IRS1: variants seen among roughly 807,000 people sequenced by gnomAD.
IRS1 encodes the protein insulin receptor substrate 1.
A neutral mutation model predicts 65.6 loss-of-function variants in IRS1; 34 were observed. The observed-to-expected ratio is 0.52, with a 90% CI of 0.39 to 0.69. IRS1 has a LOEUF of 0.69. IRS1 is among the 30% of genes least tolerant of loss of function. The pLI, the probability that IRS1 is intolerant of heterozygous loss-of-function variation, is 0.00. For missense variants in IRS1, 1,641 were observed against 1,720.2 expected (o/e 0.95, Z 0.81); for synonymous variants, 699 against 683.5 (o/e 1.02, Z -0.35).
In IRS1 at chr2:226,796,817, G is replaced by T; in HGVS notation, c.1922C>A (p.Ser641Tyr). 1 of 1,566,892 alleles carries T rather than the reference G, an allele frequency of 6.4e-7. No individual in the cohort carries two copies. The highest frequency in any genetic ancestry group is 8.7e-7 in the Non-Finnish European group (1 of 1,154,172). Residue 641 changes from serine to tyrosine, a missense_variant, in exon 1 of 2, where the codon TCT becomes TAT. By Grantham distance (144) the Ser-to-Tyr change is moderately radical. Coordinates refer to ENST00000305123, the MANE Select transcript of IRS1 (RefSeq NM_005544.3). The part of the protein sequence containing the change: ...DYMPMSPKSV[S>Y]APQQIINPIR... ...GGGATTGATGATCTGCTGTGGGGCA[G>T]ATACGCTCTTGGGGCTCATGGGCAT... is the stretch of plus-strand genomic sequence containing the variant.
intron 1 of IRS1, among the ~76,000 whole-genome samples, chr2:226,746,787 T>A (rs1455178069): frequency 7.6e-6 from 1 of 132,038 alleles, no homozygotes; most frequent in African/African-American, 3.2e-5. Flanking sequence ...GCAGCATTCT[T>A]TTTTTTTTTT....
intron 1 of IRS1, among the ~76,000 whole-genome samples, chr2:226,764,037 G>A (rs1039185978): frequency 6.6e-6 from 1 of 151,898 alleles, no homozygotes; most frequent in African/African-American, 2.4e-5. Flanking sequence ...TGTAGTTCAT[G>A]CCAAATGATG....
intron 1 of IRS1, among the ~76,000 whole-genome samples, chr2:226,787,377 AGGTTT>A (rs1939507085): frequency 6.6e-6 from 1 of 152,162 alleles, no homozygotes; most frequent in Non-Finnish European, 1.5e-5. Context: ...TTTGCCCTTT[AGGTTT>A]ATGAAAAATG....
chr2:226,750,436 T>C (rs1016860767), intron 1 of IRS1, among the ~76,000 whole-genome samples: 1 of 151,886 alleles, frequency 6.6e-6, no homozygotes, highest in Non-Finnish European at 1.5e-5. Flanking sequence ...ATATTCAACA[T>C]AAGGGCCAAA....
intron 1 of IRS1, among the ~76,000 whole-genome samples, chr2:226,737,608 G>A (rs1427375556): frequency 6.6e-6 from 1 of 152,184 alleles, no homozygotes; most frequent in Non-Finnish European, 1.5e-5. Flanking sequence ...TTCTAGAAAG[G>A]AAGGCAAGTT....
At position 226,740,585 on chromosome 2, in the gene IRS1, G is replaced by C. The variant is rs181942041; in HGVS notation, c.*22-4335C>G. Among the ~76,000 whole-genome samples the C allele has an allele frequency of 6.4e-4, 98 of 152,296 alleles. 1 individual carries two copies. Among genetic ancestry groups the C allele is most frequent in the Admixed American group, 1.9e-3 (29 of 15,288 alleles). On this transcript the variant is annotated intron_variant, in intron 1 of 1. Transcript: ENST00000305123. ...CACAAGAGTATAAGTGTGATGGAAA[G>C]ATCTGTACACTCAGCAATGCATTCT... is the stretch of plus-strand genomic sequence containing the variant.
rs181079249 is a variant in IRS1 at position 226,785,993 on chromosome 2, G to A, written c.*21+8996C>T. Among the ~76,000 whole-genome samples the A allele has an allele frequency of 6.4e-3, 952 of 147,614 alleles. 8 individuals are homozygous for A. Among genetic ancestry groups the A allele is most frequent in the African/African-American group, 0.022 (870 of 39,014 alleles). Reference sequence around the variant, plus strand: ...CCACCTATGAGTGAGAACATGCGGTGTTTGGTTTTTTGTCCTTGCGATAGT... The same window carrying A: ...CCACCTATGAGTGAGAACATGCGGTATTTGGTTTTTTGTCCTTGCGATAGT... On this transcript the variant is annotated intron_variant, in intron 1 of 1. Transcript: ENST00000305123.
At chr2:226,770,197 T>G (rs1939136832) in intron 1 of IRS1, among the ~76,000 whole-genome samples, 1 of 152,250 alleles carries the variant, frequency 6.6e-6, no homozygotes, top group Admixed American at 6.5e-5. Context: ...AGCTACCTTT[T>G]AAAGCCTTTA....
intron 1 of IRS1, among the ~76,000 whole-genome samples, chr2:226,747,493 G>C (rs1938570670): frequency 6.6e-6 from 1 of 152,082 alleles, no homozygotes; most frequent in Admixed American, 6.5e-5. Flanking sequence ...CCAAACCAGG[G>C]TCTGTGGTGC....
rs554836269 is a variant in IRS1, at chr2:226,731,686, G to A, written c.*4586C>T. On this transcript the variant is annotated 3_prime_UTR_variant, in exon 2 of 2. Transcript: ENST00000305123. ...CACCGGGGCAGCACCACCATCTTAA[G>A]ATGATAAACCAAACTGCACATACAT... is the stretch of plus-strand genomic sequence containing the variant. 2 of 152,250 alleles carry A rather than the reference G, an allele frequency of 1.3e-5. No individual in the cohort carries two copies. Among genetic ancestry groups the A allele is most frequent in the Admixed American group, 1.3e-4 (2 of 15,294 alleles). 9.4% of individuals were successfully genotyped at this position (152,250 alleles called of 1,614,324 possible). A position where few individuals can be genotyped will look rare whatever the true frequency, so the allele number is the denominator to read the frequency against.
intron 1 of IRS1, among the ~76,000 whole-genome samples, chr2:226,776,348 G>A (rs942388353): frequency 2.0e-5 from 3 of 151,788 alleles, no homozygotes; most frequent in Non-Finnish European, 2.9e-5. Flanking sequence ...CAGAAGAATC[G>A]TGTGTGAGTG....
intron 1 of IRS1, among the ~76,000 whole-genome samples, chr2:226,788,086 T>C (rs1560252): frequency 0.11 from 16,161 of 152,118 alleles, 1,079 homozygotes; most frequent in South Asian, 0.25. Context: ...TAAGTGATAT[T>C]GTTCAGCAAT....
Position 226,795,926 on chromosome 2 carries a change from G to C in IRS1, c.2813C>G (p.Thr938Ser). Residue 938 changes from threonine (T) to serine (S), a missense_variant, in exon 1 of 2, where the codon ACT (threonine) becomes AGT (serine). This residue lies in a region of IRS1 where 1,324 missense variants were observed against 1,361.0 expected (regional missense o/e 0.97). Coordinates refer to ENST00000305123, the MANE Select transcript of IRS1 (RefSeq NM_005544.3). Reference protein sequence around the residue: ...QPAPREEETGTEEYMKMDLGP... With the variant: ...QPAPREEETGSEEYMKMDLGP... ...CAGGTCCATCTTCATGTACTCCTCA[G>C]TGCCAGTCTCTTCCTCTCTGGGAGC... The C allele has an allele frequency of 6.2e-7, 1 of 1,614,040 alleles. No homozygotes were observed. The highest frequency in any genetic ancestry group is 8.5e-7 in the Non-Finnish European group (1 of 1,180,044).
At position 226,796,541 on chromosome 2, in the gene IRS1, A is replaced by G. The variant is rs763074456; in HGVS notation, c.2198T>C (p.Met733Thr). The change falls in exon 1 of 2, where the codon ATG (methionine) becomes ACG (threonine). Residue 733 changes from methionine (M) to threonine (T), a missense_variant. Coordinates refer to ENST00000305123, the MANE Select transcript of IRS1 (RefSeq NM_005544.3). ...GKLLPCTGDYMNMSPVGDSNT... is the reference protein window; with the variant it reads ...GKLLPCTGDYTNMSPVGDSNT... ...GGAGTCCCCCACTGGTGACATGTTC[A>G]TGTAGTCACCTGTGCAAGGTAAGAG... The G allele has an allele frequency of 3.2e-5, 52 of 1,613,944 alleles. No individual in the cohort carries two copies. Among genetic ancestry groups the G allele is most frequent in the Admixed American group, 6.7e-5 (4 of 60,006 alleles).
intron 1 of IRS1, among the ~76,000 whole-genome samples, chr2:226,769,515 C>A (rs909687007): frequency 6.6e-6 from 1 of 152,206 alleles, no homozygotes; most frequent in African/African-American, 2.4e-5. Flanking sequence ...GTCCTTCCAG[C>A]CAACCAGACA....
chr2:226,790,632 C>T (rs9282766), intron 1 of IRS1, among the ~76,000 whole-genome samples: 13,660 of 152,114 alleles, frequency 0.09, 835 homozygotes, highest in Middle Eastern at 0.14. Flanking sequence ...TCACTTGGCC[C>T]CTCAGAAAAA....
Position 226,777,367 on chromosome 2 carries a change from G to C in IRS1, c.*21+17622C>G, listed in dbSNP as rs554378669. Among the ~76,000 whole-genome samples, 3 of 152,246 alleles carry C rather than the reference G, an allele frequency of 2.0e-5. No individual in the cohort carries two copies. In the East Asian group the frequency reaches 5.8e-4, roughly 29 times the overall value. ...AAAATGAGTGATAAAACAAGCTTAG[G>C]TGACTATATAAATATTCAGGTATTT... On this transcript the variant is annotated intron_variant, in intron 1 of 1. Coordinates refer to ENST00000305123, the MANE Select transcript of IRS1 (RefSeq NM_005544.3).
In IRS1 at chr2:226,799,697, C is replaced by T. The variant is rs1227345569; in HGVS notation, c.-959G>A. The T allele has an allele frequency of 7.0e-6, 7 of 999,922 alleles. No individual in the cohort carries two copies. The East Asian group carries it at 5.7e-4, about 81-fold the overall frequency. The allele number at this position is 999,922 out of a possible 1,614,324, so 61.9% of individuals were successfully genotyped here. A position where few individuals can be genotyped will look rare whatever the true frequency, so the allele number is the denominator to read the frequency against. ...CTCCTCCTCGGAGAGTTGCCGAGAG[C>T]CCCAACCAAAACAAGCGGCGGCGTC... is the stretch of plus-strand genomic sequence containing the variant. On this transcript the variant is annotated 5_prime_UTR_variant, in exon 1 of 2. Transcript: ENST00000305123. The surrounding 1 kb of genome is among the most constrained non-coding windows in gnomAD (Gnocchi z 6.1).
rs767341553 is a variant in IRS1 at position 226,796,017 on chromosome 2, A to G, written c.2722T>C (p.Tyr908His). Residue 908 changes from tyrosine to histidine, a missense_variant, in exon 1 of 2, where the codon TAC becomes CAC. Transcript: ENST00000305123. ...TGGAAAGCCACCGGGCCAGACAAGT[A>G]GCCAGACTGATCACTCCCAAATTCA... The part of the protein sequence containing the change: ...NIEFGSDQSG[Y>H]LSGPVAFHSS... The G allele has an allele frequency of 2.5e-6, 4 of 1,614,162 alleles. No homozygotes were observed. In the East Asian group the frequency reaches 6.7e-5, roughly 27 times the overall value.
Sources: allele counts gnomAD v4.1 joint callset (sites outside exome capture counted in the v4.1 genomes callset), GRCh38; gene constraint gnomAD v4.1.1; regional missense constraint gnomAD v4.1.1; non-coding constraint Gnocchi (gnomAD v3.1); transcripts MANE v1.5; gene names NCBI Gene and HGNC (gene_info 2026-07-23, HGNC 2026-07-21).